The following DOCK4 variants were observed in gnomAD, a reference collection of about 807,000 sequenced individuals.
DOCK4 encodes dedicator of cytokinesis protein 4.
In DOCK4, 97 loss-of-function variants were observed where a neutral mutation model predicts 268.1. The observed-to-expected ratio is 0.36, with a 90% CI of 0.31 to 0.43. The LOEUF (loss-of-function observed/expected upper bound fraction) is 0.43. Ranked by LOEUF, DOCK4 falls within the 20% of genes least tolerant of loss-of-function variation. DOCK4 has a pLI of 1.00. For synonymous variants in DOCK4, 954 were observed against 887.2 expected, an observed-to-expected ratio of 1.08 and a Z score of -1.34; for missense variants, 2,145 against 2,455.7, an observed-to-expected ratio of 0.87 and a Z score of 2.67.
chr7:111,841,574 TA>T (rs35979850), intron 25 of DOCK4, among the ~76,000 whole-genome samples: 13 of 148,202 alleles, frequency 8.8e-5, no homozygotes, highest in South Asian at 4.3e-4. Flanking sequence ...TGAGTACTCT[TA>T]AAAAAAAAAG....
At chr7:111,740,169 G>A (rs1264953410) in intron 47 of DOCK4, 5 of 407,588 alleles carry the variant, frequency 1.2e-5, no homozygotes, top group African/African-American at 2.1e-5. Flanking sequence ...ACATGCTCTC[G>A]GCTCACTGCA....
intron 34 of DOCK4, 33 bp downstream of exon 34, chr7:111,783,824 C>G (rs1251915443): frequency 1.9e-6 from 3 of 1,546,506 alleles, no homozygotes; most frequent in Admixed American, 3.7e-5. Context: ...TCAGCATGAA[C>G]TGGAGTTCAG....
intron 36 of DOCK4, among the ~76,000 whole-genome samples, chr7:111,771,173 G>A (rs1798100759): frequency 6.6e-6 from 1 of 152,232 alleles, no homozygotes; most frequent in Non-Finnish European, 1.5e-5. Flanking sequence ...AGAGAAGGTT[G>A]CTCATGATCT....
At chr7:111,870,753 C>A (rs2134230042) in intron 20 of DOCK4, among the ~76,000 whole-genome samples, 1 of 152,252 alleles carries the variant, frequency 6.6e-6, no homozygotes, top group South Asian at 2.1e-4. Flanking sequence ...AGTTTCTGAT[C>A]ACCCCCAGCC....
At chr7:111,806,544 T>C (rs1800691821) in intron 30 of DOCK4, among the ~76,000 whole-genome samples, 2 of 152,224 alleles carry the variant, frequency 1.3e-5, no homozygotes. Flanking sequence ...GCTGGGAATC[T>C]GTAAGTTGAG....
At chr7:111,839,186 G>C (rs1308797103) in intron 25 of DOCK4, among the ~76,000 whole-genome samples, 1 of 152,092 alleles carries the variant, frequency 6.6e-6, no homozygotes, top group Non-Finnish European at 1.5e-5. Context: ...ATACACCTGA[G>C]GTTTTTGGTT....
chr7:112,071,770 A>G (rs1489016653), intron 1 of DOCK4, among the ~76,000 whole-genome samples: 2 of 152,242 alleles, frequency 1.3e-5, no homozygotes, highest in African/African-American at 4.8e-5. Flanking sequence ...GGAAAAACTA[A>G]AAGTACAGTA....
intron 25 of DOCK4, among the ~76,000 whole-genome samples, chr7:111,837,098 T>C (rs1011256344): frequency 1.3e-5 from 2 of 151,866 alleles, no homozygotes; most frequent in Admixed American, 6.6e-5. Flanking sequence ...AAATTGCTTA[T>C]AGCCAGTGGT....
intron 7 of DOCK4, among the ~76,000 whole-genome samples, chr7:111,979,200 G>A (rs1027765620): frequency 1.1e-4 from 17 of 152,134 alleles, no homozygotes; most frequent in African/African-American, 4.1e-4. Flanking sequence ...TTCGTGCTTA[G>A]AAGTTAAAAC....
At chr7:111,978,152 G>C (rs920463138) in intron 7 of DOCK4, among the ~76,000 whole-genome samples, 4 of 152,150 alleles carry the variant, frequency 2.6e-5, no homozygotes, top group Admixed American at 6.5e-5. Context: ...TATCTACTAG[G>C]GGAAGCAGAC....
chr7:111,935,224 A>G, intron 12 of DOCK4: 1 of 370,850 alleles, frequency 2.7e-6, no homozygotes, highest in South Asian at 2.1e-5. Context: ...CTGGGATTAC[A>G]GGCGTGAGCC....
intron 13 of DOCK4, 37 bp downstream of exon 13, chr7:111,915,742 C>T: frequency 1.2e-6 from 2 of 1,603,112 alleles, no homozygotes; most frequent in Non-Finnish European, 8.5e-7. Flanking sequence ...ATAGTATACC[C>T]ATATTTCATC....
chr7:111,908,089 A>G (rs1166488198), intron 13 of DOCK4, among the ~76,000 whole-genome samples: 2 of 152,112 alleles, frequency 1.3e-5, no homozygotes, highest in African/African-American at 4.8e-5. Flanking sequence ...CTTTCTCCAA[A>G]AGAAGGCTTA....
chr7:112,045,002 T>C (rs1804714999), intron 1 of DOCK4, among the ~76,000 whole-genome samples: 1 of 152,124 alleles, frequency 6.6e-6, no homozygotes, highest in Non-Finnish European at 1.5e-5. Flanking sequence ...TCTACTCAGA[T>C]TCTCACTCAG....
intron 39 of DOCK4, among the ~76,000 whole-genome samples, chr7:111,761,284 T>C (rs767064771): frequency 1.3e-5 from 2 of 152,182 alleles, no homozygotes; most frequent in Non-Finnish European, 2.9e-5. Flanking sequence ...GGCCTTGAAC[T>C]CCTGGCCTCA....
intron 5 of DOCK4, among the ~76,000 whole-genome samples, chr7:111,991,155 A>G (rs1799490664): frequency 1.3e-5 from 2 of 152,138 alleles, no homozygotes; most frequent in African/African-American, 2.4e-5. Flanking sequence ...CTGTGATGTC[A>G]TCTCTAGTAC....
chr7:111,794,890 T>C (rs1003594419), intron 30 of DOCK4, among the ~76,000 whole-genome samples: 21 of 152,102 alleles, frequency 1.4e-4, no homozygotes, highest in African/African-American at 5.1e-4. Context: ...GAAAACCTGA[T>C]TACAATGAAT....
In DOCK4 at chr7:112,098,555, TATAG is replaced by T. The variant is rs561980473; in HGVS notation, c.38-94428_38-94425del. On this transcript the variant is annotated intron_variant, in intron 1 of 52. Transcript: ENST00000428084. ...TGAATAGGTACTATTTTATATAATA[TATAG>T]ATAGATAATTTTATAGATTATGTAA... Among the ~76,000 whole-genome samples, 274 of 149,730 alleles carry T rather than the reference TATAG, an allele frequency of 1.8e-3. 1 individual carries two copies. Among genetic ancestry groups the T allele is most frequent in the African/African-American group, 6.1e-3 (250 of 41,064 alleles).
chr7:112,033,753 C>T (rs761363760), intron 1 of DOCK4, among the ~76,000 whole-genome samples: 6 of 152,158 alleles, frequency 3.9e-5, no homozygotes, highest in Non-Finnish European at 7.3e-5. Flanking sequence ...ATAACACAGT[C>T]CTTGGAAATC....
Sources: allele counts gnomAD v4.1 joint callset (sites outside exome capture counted in the v4.1 genomes callset), GRCh38; gene constraint gnomAD v4.1.1; transcripts MANE v1.5; gene names NCBI Gene and HGNC (gene_info 2026-07-23, HGNC 2026-07-21).